The following FOXP1 variants were observed in gnomAD, a reference collection of about 807,000 sequenced individuals.
The protein encoded by FOXP1 is forkhead box protein P1.
In FOXP1, 15 loss-of-function variants were observed where a neutral mutation model predicts 98.2. That is an observed-to-expected ratio of 0.15 (90% CI 0.10 to 0.24). The LOEUF (loss-of-function observed/expected upper bound fraction) is 0.24, where lower values mean the gene tolerates loss of function less well. Ranked by LOEUF, FOXP1 falls within the 10% of genes least tolerant of loss-of-function variation. FOXP1 has a pLI of 1.00. For synonymous variants in FOXP1, 371 were observed against 314.5 expected, an observed-to-expected ratio of 1.18 and a Z score of -1.90; for missense variants, 633 against 848.5, an observed-to-expected ratio of 0.75 and a Z score of 3.15.
At chr3:71,130,461 C>A (rs1559993377) in intron 6 of FOXP1, 1 of 1,591,736 alleles carries the variant, frequency 6.3e-7, no homozygotes, top group South Asian at 1.1e-5. Flanking sequence ...AAAGTTTAAC[C>A]CAGCAAAAAA....
intron 3 of FOXP1, among the ~76,000 whole-genome samples, chr3:71,393,960 G>T (rs540715073): frequency 6.6e-6 from 1 of 152,314 alleles, no homozygotes; most frequent in African/African-American, 2.4e-5. Flanking sequence ...CTCCCAAAGT[G>T]TTGGGGTTAC....
At chr3:71,583,437 T>C (rs1485648492) in intron 1 of FOXP1, 134 bp downstream of exon 1, 1 of 971,684 alleles carries the variant, frequency 1.0e-6, no homozygotes, top group Non-Finnish European at 1.2e-6. Flanking sequence ...TTTTTTTTTT[T>C]CCATTTTTTT....
chr3:71,472,085 T>A (rs759865098), intron 3 of FOXP1, among the ~76,000 whole-genome samples: 2 of 152,186 alleles, frequency 1.3e-5, no homozygotes, highest in Non-Finnish European at 1.5e-5. Flanking sequence ...GTTTTATAGT[T>A]TTTCATTATG....
chr3:71,496,579 T>C (rs865842539), intron 2 of FOXP1, among the ~76,000 whole-genome samples: 12 of 152,270 alleles, frequency 7.9e-5, no homozygotes, highest in South Asian at 6.2e-4. Context: ...CCCAGCACTT[T>C]GGGAGGCCGA....
intron 5 of FOXP1, among the ~76,000 whole-genome samples, chr3:71,227,867 G>C (rs1357433840): frequency 6.6e-6 from 1 of 152,008 alleles, no homozygotes; most frequent in Non-Finnish European, 1.5e-5. Context: ...GTGCCTTCTG[G>C]GCTAGTCCAA....
chr3:71,207,061 G>A lies in FOXP1; in HGVS notation c.-11-8669C>T, dbSNP rs556530458. On this transcript the variant is annotated intron_variant, in intron 5 of 20. Coordinates refer to ENST00000649528, the MANE Select transcript of FOXP1 (RefSeq NM_001349338.3). ...GCTTTGCCACAAGGAAGCCTCTGAA[G>A]GTCAGGCATGATGGGGCCAGGTGTT... is the stretch of plus-strand genomic sequence containing the variant. Among the ~76,000 whole-genome samples, 228 of 152,296 alleles carry A rather than the reference G, an allele frequency of 1.5e-3. 1 individual carries two copies. The highest frequency in any genetic ancestry group is 5.1e-3 in the African/African-American group (212 of 41,562).
intron 13 of FOXP1, among the ~76,000 whole-genome samples, chr3:71,000,598 G>A (rs766664433): frequency 9.2e-5 from 14 of 151,708 alleles, no homozygotes; most frequent in Non-Finnish European, 1.8e-4. Flanking sequence ...TATGAGCAAC[G>A]TCGAGGACTT....
chr3:71,346,255 G>A (rs1369690297), intron 4 of FOXP1, among the ~76,000 whole-genome samples: 6 of 152,208 alleles, frequency 3.9e-5, no homozygotes, highest in Non-Finnish European at 8.8e-5. Context: ...TCCTGCAGAT[G>A]TTGGAGTTGG....
chr3:71,138,302 A>C (rs2059915828), intron 6 of FOXP1, among the ~76,000 whole-genome samples: 1 of 152,204 alleles, frequency 6.6e-6, no homozygotes, highest in Non-Finnish European at 1.5e-5. Flanking sequence ...TTTATAAATA[A>C]GCCTTTACAA....
chr3:71,442,047 A>G (rs145186253), intron 3 of FOXP1, among the ~76,000 whole-genome samples: 6 of 152,332 alleles, frequency 3.9e-5, no homozygotes, highest in Non-Finnish European at 8.8e-5. Context: ...TCATGCCTAC[A>G]CAACTTTGAG....
rs1278966548 is a variant in FOXP1 at position 70,958,298 on chromosome 3, A to AGAGTT, written c.*944_*948dup. The AGAGTT allele has an allele frequency of 1.9e-6, 1 of 534,678 alleles. No individual in the cohort carries two copies. Among genetic ancestry groups the AGAGTT allele is most frequent in the African/African-American group, 1.9e-5 (1 of 53,140 alleles). The allele number at this position is 534,678 out of a possible 1,614,324, so 33.1% of individuals were successfully genotyped here. On this transcript the variant is annotated 3_prime_UTR_variant, in exon 21 of 21. Coordinates refer to ENST00000649528, the MANE Select transcript of FOXP1 (RefSeq NM_001349338.3). Reference sequence around the variant, plus strand: ...CGTGGAATGAATCGGCATTGTTCCTAGAGTTTGTCTCTCTTTTTTTTTTCT... The same window carrying AGAGTT: ...CGTGGAATGAATCGGCATTGTTCCTAGAGTTGAGTTTGTCTCTCTTTTTTTTTTCT...
chr3:71,278,913 C>T (rs918315582), intron 5 of FOXP1, among the ~76,000 whole-genome samples: 13 of 151,986 alleles, frequency 8.6e-5, no homozygotes, highest in African/African-American at 2.9e-4. Context: ...GAATTGGGGC[C>T]GGGCATGGTG....
intron 3 of FOXP1, among the ~76,000 whole-genome samples, chr3:71,491,896 G>C (rs532833295): frequency 6.6e-6 from 1 of 152,146 alleles, no homozygotes; most frequent in African/African-American, 2.4e-5. Flanking sequence ...CACTGTCTTA[G>C]ACATATCATC....
chr3:71,170,912 G>A (rs781463979), intron 6 of FOXP1, among the ~76,000 whole-genome samples: 1 of 152,026 alleles, frequency 6.6e-6, no homozygotes, highest in Non-Finnish European at 1.5e-5. Flanking sequence ...GTTTTAGTCC[G>A]TCTTTCTTTT....
At chr3:71,038,117 C>A (rs765429855) in intron 11 of FOXP1, among the ~76,000 whole-genome samples, 1 of 152,128 alleles carries the variant, frequency 6.6e-6, no homozygotes, top group Non-Finnish European at 1.5e-5. Flanking sequence ...GCAAAATGCA[C>A]GGGGGCAAGA....
rs1035294381 is a variant in FOXP1, at chr3:70,957,494, T to C, written c.*1753A>G. The C allele has an allele frequency of 1.7e-5, 4 of 230,742 alleles. No individual in the cohort carries two copies. Among genetic ancestry groups the C allele is most frequent in the Middle Eastern group, 1.3e-3 (1 of 796 alleles). The allele number at this position is 230,742 out of a possible 1,614,324, so 14.3% of individuals were successfully genotyped here. A position where few individuals can be genotyped will look rare whatever the true frequency, so the allele number is the denominator to read the frequency against. ...TAAAGCATAAAACAGAGAACATAAT[T>C]TACCTTTGTGTAATATCTTTGGTAA... On this transcript the variant is annotated 3_prime_UTR_variant, in exon 21 of 21. Transcript: ENST00000649528.
chr3:71,542,071 C>T (rs1399998633), intron 2 of FOXP1: 1 of 528,726 alleles, frequency 1.9e-6, no homozygotes, highest in Admixed American at 2.0e-5. Context: ...AAACATTAAA[C>T]TGGCTTATAT....
At position 70,977,990 on chromosome 3, in the gene FOXP1, A is replaced by C; in HGVS notation, c.1186T>G (p.Ser396Ala). Residue 396 changes from serine to alanine, a missense_variant, in exon 15 of 21, where the codon TCG (serine) becomes GCG (alanine). Ser to Ala is a moderately conservative substitution (Grantham distance 99). Transcript: ENST00000649528. ...VSSVTLSKSA[S>A]EASPQSLPHT... Reference sequence around the variant, plus strand: ...GGTAAGCTCTGTGGAGAAGCCTCCGATGCGGACTTGGAGAGAGTGACACTT... The same window carrying C: ...GGTAAGCTCTGTGGAGAAGCCTCCGCTGCGGACTTGGAGAGAGTGACACTT... 6.2e-7 allele frequency: 1 copy of C among 1,614,130 alleles called. No individual in the cohort carries two copies. Among genetic ancestry groups the C allele is most frequent in the Non-Finnish European group, 8.5e-7 (1 of 1,179,984 alleles).
At chr3:70,988,780 T>C (rs1028884397) in intron 13 of FOXP1, among the ~76,000 whole-genome samples, 1 of 152,244 alleles carries the variant, frequency 6.6e-6, no homozygotes, top group African/African-American at 2.4e-5. Flanking sequence ...AGCTACATCC[T>C]TTATGCTTCG....
Sources: allele counts gnomAD v4.1 joint callset (sites outside exome capture counted in the v4.1 genomes callset), GRCh38; gene constraint gnomAD v4.1.1; transcripts MANE v1.5; gene names NCBI Gene and HGNC (gene_info 2026-07-23, HGNC 2026-07-21).